The following IL1RAPL2 variants were observed in gnomAD, a reference collection of about 807,000 sequenced individuals.
IL1RAPL2 encodes interleukin 1 receptor accessory protein like 2, also known as X-linked interleukin-1 receptor accessory protein-like 2.
In IL1RAPL2, 3 loss-of-function variants were observed where a neutral mutation model predicts 44.1. The ratio of observed to expected loss-of-function variants is 0.07; its 90% confidence interval spans 0.03 to 0.18. The LOEUF (loss-of-function observed/expected upper bound fraction) is 0.18. IL1RAPL2 is among the 10% of genes least tolerant of loss of function. IL1RAPL2 has a pLI of 1.00. For synonymous variants in IL1RAPL2, 181 were observed against 178.8 expected (o/e 1.01, Z -0.10); for missense variants, 391 against 496.4 (o/e 0.79, Z 2.02).
intron 1 of IL1RAPL2, among the ~76,000 whole-genome samples, chrX:104,629,819 T>G (rs1350025301): frequency 8.9e-6 from 1 of 112,019 alleles, no homozygotes; most frequent in Non-Finnish European, 1.9e-5. Context: ...GAGCCTTTAT[T>G]GACAATAAGT....
chrX:105,160,322 A>G (rs2033311832), intron 2 of IL1RAPL2, among the ~76,000 whole-genome samples: 1 of 110,806 alleles, frequency 9.0e-6, no homozygotes, highest in South Asian at 3.8e-4. Flanking sequence ...GCCCAATACA[A>G]GCAGATATGG....
At chrX:105,412,778 C>G (rs773785765) in intron 5 of IL1RAPL2, among the ~76,000 whole-genome samples, 9 of 111,512 alleles carry the variant, frequency 8.1e-5, no homozygotes, top group African/African-American at 2.9e-4. Context: ...ATTTATGCAT[C>G]TAAACATTGA....
At chrX:105,527,436 TTGTGTGTGTGTG>T (rs10687485) in intron 6 of IL1RAPL2, among the ~76,000 whole-genome samples, 6 of 95,628 alleles carry the variant, frequency 6.3e-5, no homozygotes, top group African/African-American at 1.9e-4. Context: ...TGAGAGTGTG[TTGTGTGTGTGTG>T]TGTGTGTGTG....
chrX:105,056,580 G>C (rs2031996880), intron 2 of IL1RAPL2, among the ~76,000 whole-genome samples: 1 of 111,407 alleles, frequency 9.0e-6, no homozygotes, highest in Non-Finnish European at 1.9e-5. Context: ...GGATGTAGTA[G>C]ATCAGACCCT....
intron 2 of IL1RAPL2, among the ~76,000 whole-genome samples, chrX:104,769,076 A>T (rs1374877365): frequency 9.0e-6 from 1 of 111,633 alleles, no homozygotes; most frequent in Non-Finnish European, 1.9e-5. Context: ...CATCCATAAA[A>T]TGAGCAGGTT....
At chrX:105,100,283 G>C (rs779188237) in intron 2 of IL1RAPL2, among the ~76,000 whole-genome samples, 1 of 111,640 alleles carries the variant, frequency 9.0e-6, no homozygotes, top group Non-Finnish European at 1.9e-5. Context: ...AAGAACTACT[G>C]TACCTTGTCT....
chrX:104,596,118 T>G (rs1928759680), intron 1 of IL1RAPL2, among the ~76,000 whole-genome samples: 1 of 111,272 alleles, frequency 9.0e-6, no homozygotes, highest in African/African-American at 3.3e-5. Flanking sequence ...AAACAAATTT[T>G]ATATAATATT....
rs2038739968 is a variant in IL1RAPL2 at position 105,767,298 on chromosome X, G to A, written c.1698G>A (p.Arg566=). 6 of 1,211,187 alleles carry A rather than the reference G, an allele frequency of 5.0e-6. No individual in the cohort carries two copies. Among genetic ancestry groups the A allele is most frequent in the Non-Finnish European group, 4.5e-6 (4 of 894,996 alleles). ...TCAAGAAAAAAGAAATGCTACCTCG[G>A]TGCCATGTTCTGGACTCCGCAGAAC... ...MPIKKKEMLP[R]CHVLDSAEQG... Residue 566 remains arginine, a synonymous_variant, in exon 11 of 11, where the codon CGG becomes CGA. Coordinates refer to ENST00000372582, the MANE Select transcript of IL1RAPL2 (RefSeq NM_017416.2).
intron 2 of IL1RAPL2, among the ~76,000 whole-genome samples, chrX:105,073,286 C>T (rs1316348291): frequency 1.0e-5 from 1 of 96,106 alleles, no homozygotes; most frequent in African/African-American, 3.9e-5. Flanking sequence ...TGAGTGAGAA[C>T]ATGCGGTGTT....
intron 1 of IL1RAPL2, among the ~76,000 whole-genome samples, chrX:104,600,528 CT>C (rs1290908805): frequency 0.011 from 1,091 of 103,555 alleles, 16 homozygotes; most frequent in African/African-American, 0.035. Context: ...TTTTTTTCAA[CT>C]TTTTTTTTTT....
chrX:104,761,448 T>A (rs766724537), intron 2 of IL1RAPL2, among the ~76,000 whole-genome samples: 22 of 110,579 alleles, frequency 2.0e-4, no homozygotes, highest in African/African-American at 6.9e-4. Context: ...GAGATAAAAT[T>A]CAAGGTGAGA....
At chrX:104,609,411 T>A (rs1929094861) in intron 1 of IL1RAPL2, among the ~76,000 whole-genome samples, 1 of 112,175 alleles carries the variant, frequency 8.9e-6, no homozygotes, top group East Asian at 2.8e-4. Flanking sequence ...TCTTGCTAGG[T>A]TGGGAAAGTT....
At chrX:105,036,554 A>AAAATG (rs1173402138) in intron 2 of IL1RAPL2, among the ~76,000 whole-genome samples, 8 of 112,125 alleles carry the variant, frequency 7.1e-5, no homozygotes, top group African/African-American at 2.6e-4. Context: ...AAAATAAAAT[A>AAAATG]AAAATTCCAG....
chrX:105,358,104 A>G (rs1304207124), intron 5 of IL1RAPL2, among the ~76,000 whole-genome samples: 2 of 108,055 alleles, frequency 1.9e-5, no homozygotes, highest in Admixed American at 2.0e-4. Flanking sequence ...ACAATGGAGA[A>G]TGGAGAATAG....
chrX:104,735,999 ACTGTAGTCAT>A (rs1932007548), intron 2 of IL1RAPL2, among the ~76,000 whole-genome samples: 1 of 110,765 alleles, frequency 9.0e-6, no homozygotes. Flanking sequence ...CACACCATTT[ACTGTAGTCAT>A]CTGTCTCCTT....
intron 2 of IL1RAPL2, among the ~76,000 whole-genome samples, chrX:104,809,146 C>T (rs1378946196): frequency 9.0e-6 from 1 of 111,644 alleles, no homozygotes; most frequent in Non-Finnish European, 1.9e-5. Flanking sequence ...TTATGTTTGG[C>T]CAGTAGGGTT....
At chrX:105,244,368 A>G (rs1405587158) in intron 4 of IL1RAPL2, among the ~76,000 whole-genome samples, 4 of 111,437 alleles carry the variant, frequency 3.6e-5, no homozygotes, top group Non-Finnish European at 7.5e-5. Flanking sequence ...CAAATTTTAT[A>G]CCCCCTGCAA....
intron 2 of IL1RAPL2, among the ~76,000 whole-genome samples, chrX:104,788,199 A>G (rs1458225323): frequency 8.9e-6 from 1 of 112,397 alleles, no homozygotes; most frequent in Non-Finnish European, 1.9e-5. Context: ...CATGGAAGAA[A>G]AGTTCTGGCA....
chrX:104,735,407 G>A, intron 2 of IL1RAPL2, among the ~76,000 whole-genome samples: 1 of 110,893 alleles, frequency 9.0e-6, no homozygotes, highest in East Asian at 2.9e-4. Flanking sequence ...ATTGTCTGAT[G>A]TCCATGAATG....
Sources: gnomAD v4.1 joint callset for allele counts (sites outside exome capture counted in the v4.1 genomes callset) on GRCh38, gnomAD v4.1.1 for gene constraint, MANE v1.5 for transcripts, NCBI Gene and HGNC (gene_info 2026-07-23, HGNC 2026-07-21) for gene names.